The following TRARG1 variants were observed in gnomAD, a reference collection of about 807,000 sequenced individuals.
TRARG1 encodes trafficking regulator of GLUT4 1.
A neutral mutation model predicts 13.3 loss-of-function variants in TRARG1; 16 were observed. The ratio of observed to expected loss-of-function variants is 1.20; its 90% CI spans 0.81 to 1.83. TRARG1 has a LOEUF of 1.83. Among genes scored for constraint, TRARG1 ranks in the 40% most tolerant of loss-of-function variants. The pLI, the probability that TRARG1 is intolerant of heterozygous loss-of-function variation, is 0.00. For missense variants in TRARG1, 250 were observed against 237.4 expected, an observed-to-expected ratio of 1.05 and a Z score of -0.35; for synonymous variants, 113 against 106.2, an observed-to-expected ratio of 1.06 and a Z score of -0.39.
chr17:1,284,933 G>C (rs1022342505), intron 1 of TRARG1, among the ~76,000 whole-genome samples: 2 of 151,984 alleles, frequency 1.3e-5, no homozygotes, highest in African/African-American at 2.4e-5. Context: ...ACCCGCCTCG[G>C]CCTCCCAAAG....
rs149061662 is a variant in TRARG1 at position 1,281,999 on chromosome 17, G to T, written c.387+1611G>T. 8.6e-3 allele frequency among the ~76,000 whole-genome samples: 1,290 copies of T among 150,842 alleles called. 16 individuals carry two copies. Among genetic ancestry groups the T allele is most frequent in the African/African-American group, 0.028 (1,168 of 41,088 alleles). ...GTGTACATATATGTACATATATACA[G>T]ATATACACATATGTACATATACATA... On this transcript the variant is annotated intron_variant, in intron 1 of 2. Coordinates refer to ENST00000333813, the MANE Select transcript of TRARG1 (RefSeq NM_172367.3).
chr17:1,285,917 C>G (rs2072016407), intron 1 of TRARG1, among the ~76,000 whole-genome samples: 1 of 152,072 alleles, frequency 6.6e-6, no homozygotes, highest in African/African-American at 2.4e-5. Flanking sequence ...AGGAGAGAGT[C>G]TGAAGGAGGG....
intron 1 of TRARG1, among the ~76,000 whole-genome samples, chr17:1,282,584 T>C (rs932409980): frequency 2.0e-5 from 3 of 152,066 alleles, no homozygotes; most frequent in African/African-American, 7.2e-5. Flanking sequence ...TTGGCCAGGC[T>C]GGTCTTGAAC....
intron 1 of TRARG1, among the ~76,000 whole-genome samples, chr17:1,293,971 G>A (rs1238342837): frequency 2.6e-5 from 4 of 152,150 alleles, no homozygotes; most frequent in Admixed American, 6.5e-5. Flanking sequence ...TCCTTAGCAA[G>A]CTGCCTGGCA....
chr17:1,281,929 TACATACATGTACATATATGC>T (rs899661789), intron 1 of TRARG1, among the ~76,000 whole-genome samples: 21 of 151,970 alleles, frequency 1.4e-4, no homozygotes, highest in African/African-American at 4.8e-4. Context: ...TATATACATA[TACATACATGTACATATATGC>T]ACATACATGT....
chr17:1,283,815 A>T lies in TRARG1; in HGVS notation c.387+3427A>T, dbSNP rs944132113. Among the ~76,000 whole-genome samples the T allele has an allele frequency of 4.0e-5, 6 of 150,276 alleles. No homozygotes were observed. In the East Asian group the frequency reaches 5.9e-4, roughly 15 times the overall value. On this transcript the variant is annotated intron_variant, in intron 1 of 2. Transcript: ENST00000333813. ...CAGAGTGAGATTCTATCTCAAAAAA[A>T]ATAAAATAAAATAAAGGGCCGGGAG...
chr17:1,280,419 G>C, intron 1 of TRARG1, 31 bp downstream of exon 1: 1 of 1,540,408 alleles, frequency 6.5e-7, no homozygotes, highest in Non-Finnish European at 8.7e-7. Flanking sequence ...CAGGGGCAGG[G>C]GCTGGGCCCA....
Position 1,279,820 on chromosome 17 carries a change from C to T in TRARG1, c.-182C>T. 1.6e-6 allele frequency: 1 copy of T among 630,600 alleles called. No individual in the cohort carries two copies. Among genetic ancestry groups the T allele is most frequent in the Non-Finnish European group, 2.6e-6 (1 of 386,862 alleles). The allele number at this position is 630,600 out of a possible 1,614,324, so 39.1% of individuals were successfully genotyped here. ...CAGCAGGCAGGCCCCAGCCTCTGAACTCAGCTGGCTTGAGAAGCTCAGCCC... is the reference window on the plus strand; with the variant it reads ...CAGCAGGCAGGCCCCAGCCTCTGAATTCAGCTGGCTTGAGAAGCTCAGCCC... On this transcript the variant is annotated 5_prime_UTR_variant, in exon 1 of 3. Coordinates refer to ENST00000333813, the MANE Select transcript of TRARG1 (RefSeq NM_172367.3).
Position 1,288,416 on chromosome 17 carries a change from C to CT in TRARG1, c.388-7075_388-7074insT, listed in dbSNP as rs2072040646. 1.7e-5 allele frequency among the ~76,000 whole-genome samples: 2 copies of CT among 116,136 alleles called. 1 individual carries two copies. Among genetic ancestry groups the CT allele is most frequent in the African/African-American group, 6.9e-5 (2 of 29,000 alleles). 76.2% of individuals were successfully genotyped at this position (116,136 alleles called of 152,430 possible). On this transcript the variant is annotated intron_variant, in intron 1 of 2. Coordinates refer to ENST00000333813, the MANE Select transcript of TRARG1 (RefSeq NM_172367.3). ...TCCCCCACAGGTTCCCCAACCCCCA[C>CT]AGGTTCCTCATCCCCCACTGGGTTC... is the stretch of plus-strand genomic sequence containing the variant.
rs538558762 is a variant in TRARG1 at position 1,282,132 on chromosome 17, A to G, written c.387+1744A>G. On this transcript the variant is annotated intron_variant, in intron 1 of 2. Coordinates refer to ENST00000333813, the MANE Select transcript of TRARG1 (RefSeq NM_172367.3). Reference sequence around the variant, plus strand: ...CACATAAATGCACATATGTACATATACACGCATATATGTACGTATACACGT... The same window carrying G: ...CACATAAATGCACATATGTACATATGCACGCATATATGTACGTATACACGT... Among the ~76,000 whole-genome samples, 298 of 65,472 alleles carry G rather than the reference A, an allele frequency of 4.6e-3. 5 individuals are homozygous for G. The highest frequency in any genetic ancestry group is 0.018 in the African/African-American group (287 of 15,786). 43.0% of individuals were successfully genotyped at this position (65,472 alleles called of 152,430 possible). A position where few individuals can be genotyped will look rare whatever the true frequency, so the allele number is the denominator to read the frequency against.
At chr17:1,286,803 T>G in intron 1 of TRARG1, among the ~76,000 whole-genome samples, 1 of 142,804 alleles carries the variant, frequency 7.0e-6, no homozygotes, top group Admixed American at 7.1e-5. Flanking sequence ...TATCAGCCCG[T>G]GGGGTGTTGT....
At chr17:1,295,427 G>C in intron 1 of TRARG1, 64 bp from the exon 2 acceptor site, 1 of 1,528,226 alleles carries the variant, frequency 6.5e-7, no homozygotes, top group South Asian at 1.3e-5. Flanking sequence ...GCTGCCTGCT[G>C]AGGCCCATGA....
chr17:1,297,859 C>T (rs2072123643), intron 2 of TRARG1, among the ~76,000 whole-genome samples: 1 of 152,194 alleles, frequency 6.6e-6, no homozygotes, highest in South Asian at 2.1e-4. Flanking sequence ...CCCGCCTCTG[C>T]CTCCCAAAGT....
rs185792712 is a variant in TRARG1, at chr17:1,296,749, G to C, written c.520+1126G>C. 1.0e-3 allele frequency among the ~76,000 whole-genome samples: 155 copies of C among 152,080 alleles called. 1 individual carries two copies. The highest frequency in any genetic ancestry group is 3.6e-3 in the African/African-American group (148 of 41,494). On this transcript the variant is annotated intron_variant, in intron 2 of 2. Transcript: ENST00000333813. ...TGGTCTCAAACTCCTGACTTCAGGT[G>C]ATCCTCCCGCCTCAGCCTCCCAAAG...
intron 2 of TRARG1, among the ~76,000 whole-genome samples, chr17:1,296,905 A>C (rs1304312646): frequency 6.6e-6 from 1 of 151,920 alleles, no homozygotes; most frequent in Non-Finnish European, 1.5e-5. Flanking sequence ...TCGGCCTCCT[A>C]AAGTGCTGGG....
intron 2 of TRARG1, among the ~76,000 whole-genome samples, chr17:1,297,684 A>G (rs550942721): frequency 1.7e-3 from 249 of 146,282 alleles, no homozygotes; most frequent in Middle Eastern, 0.011. Context: ...GCTCACTGCA[A>G]CCTCTGTCTC....
chr17:1,285,503 A>C (rs1016110968), intron 1 of TRARG1, among the ~76,000 whole-genome samples: 1 of 151,252 alleles, frequency 6.6e-6, no homozygotes, highest in Admixed American at 6.6e-5. Context: ...TCAGGAGTTC[A>C]AGACCAGCCT....
chr17:1,284,122 AAAAGAAAG>A (rs35790659), intron 1 of TRARG1, among the ~76,000 whole-genome samples: 4 of 149,404 alleles, frequency 2.7e-5, no homozygotes, highest in Non-Finnish European at 5.9e-5. Flanking sequence ...CTCAAAAAAA[AAAAGAAAG>A]AAAGAAAGAA....
At position 1,286,836 on chromosome 17, in the gene TRARG1, G is replaced by A. The variant is rs371119736; in HGVS notation, c.387+6448G>A. Among the ~76,000 whole-genome samples, 1,031 of 146,184 alleles carry A rather than the reference G, an allele frequency of 7.1e-3. 13 individuals carry two copies. The highest frequency in any genetic ancestry group is 0.024 in the African/African-American group (960 of 39,384). On this transcript the variant is annotated intron_variant, in intron 1 of 2. Transcript: ENST00000333813. ...TGTCGGCCTGTGGGGTGTTGTTGTCGGCCTGTGGGGTGTTGTTGTCGGCCT... is the reference window on the plus strand; with the variant it reads ...TGTCGGCCTGTGGGGTGTTGTTGTCAGCCTGTGGGGTGTTGTTGTCGGCCT...
Sources: gnomAD v4.1 joint callset for allele counts (sites outside exome capture counted in the v4.1 genomes callset) on GRCh38, gnomAD v4.1.1 for gene constraint, MANE v1.5 for transcripts, NCBI Gene and HGNC (gene_info 2026-07-23, HGNC 2026-07-21) for gene names.